The following AGAP3 variants were observed in gnomAD, a reference collection of about 807,000 sequenced individuals.
AGAP3 encodes ArfGAP with GTPase domain, ankyrin repeat and PH domain 3.
A neutral mutation model predicts 96.9 loss-of-function variants in AGAP3; 24 were observed. The observed-to-expected ratio is 0.25, with a 90% CI of 0.18 to 0.35. The LOEUF (loss-of-function observed/expected upper bound fraction) is 0.35, where lower values mean the gene tolerates loss of function less well. AGAP3 is among the 10% of genes least tolerant of loss of function. The pLI is 1.00. For synonymous variants in AGAP3, 563 were observed against 536.1 expected, an observed-to-expected ratio of 1.05 and a Z score of -0.69; for missense variants, 876 against 1,254.2, an observed-to-expected ratio of 0.70 and a Z score of 4.55.
In AGAP3 at chr7:151,096,737, G is replaced by A. The variant is rs1170847017; in HGVS notation, c.331+9665G>A. ...TCCACCCGCCTCAGCCTCCTAAAGT[G>A]CTGGGATTACAGGCATGAGCCACTG... is the stretch of plus-strand genomic sequence containing the variant. On this transcript the variant is annotated intron_variant, in intron 1 of 17. Transcript: ENST00000397238. The surrounding 1 kb of genome is among the most constrained non-coding windows in gnomAD (Gnocchi z 4.4). Among the ~76,000 whole-genome samples the A allele has an allele frequency of 6.6e-6, 1 of 152,140 alleles. No individual in the cohort carries two copies.
In AGAP3 at chr7:151,092,564, C is replaced by T. The variant is rs114425284; in HGVS notation, c.331+5492C>T. On this transcript the variant is annotated intron_variant, in intron 1 of 17. Transcript: ENST00000397238. ...GAGATTGGGTGGTGCATGTTCCACCCGTGAATGTTCTTCCCTCTGCCAGGC... is the reference window on the plus strand; with the variant it reads ...GAGATTGGGTGGTGCATGTTCCACCTGTGAATGTTCTTCCCTCTGCCAGGC... Among the ~76,000 whole-genome samples, 714 of 152,268 alleles carry T rather than the reference C, an allele frequency of 4.7e-3. 3 individuals carry two copies. The highest frequency in any genetic ancestry group is 0.016 in the African/African-American group (679 of 41,542).
In AGAP3 at chr7:151,123,867, G is replaced by A. The variant is rs780531739; in HGVS notation, c.1202G>A (p.Arg401His). The change falls in exon 9 of 18, where the codon CGC becomes CAC. Residue 401 changes from arginine (R) to histidine (H), a missense_variant. Arg to His is a conservative substitution (Grantham distance 29, BLOSUM62 0). Transcript: ENST00000397238. ...AAGGTGGACAGCATCGGGAGCGGCC[G>A]CGCCATCCCCATCAAGCAGGTCAGC... The part of the protein sequence containing the change: ...ECKVDSIGSG[R>H]AIPIKQGILL... The A allele has an allele frequency of 1.1e-5, 17 of 1,609,632 alleles. No homozygotes were observed. The Admixed American group carries it at 1.5e-4, about 14-fold the overall frequency.
intron 1 of AGAP3, among the ~76,000 whole-genome samples, chr7:151,090,771 C>T (rs1390572895): frequency 2.0e-5 from 3 of 152,092 alleles, no homozygotes; most frequent in Admixed American, 6.5e-5. Context: ...GTGAAACCCC[C>T]GTCTCTACTA....
intron 10 of AGAP3, among the ~76,000 whole-genome samples, chr7:151,132,700 C>T (rs1800446554): frequency 6.6e-6 from 1 of 152,230 alleles, no homozygotes; most frequent in Admixed American, 6.5e-5. Flanking sequence ...GGGTGACGTC[C>T]AGCCCAGCCA....
chr7:151,137,157 C>T (rs929256941), intron 11 of AGAP3, among the ~76,000 whole-genome samples: 2 of 152,254 alleles, frequency 1.3e-5, no homozygotes, highest in African/African-American at 4.8e-5. Context: ...CGTCTCCCCG[C>T]AGGCTTCCCC....
chr7:151,140,202 A>AT lies in AGAP3; in HGVS notation c.1804+92dup, dbSNP rs1800766843. ...ACCCTAAAAGTAACACCTATTTTTT[A>AT]TTTTTTGTATTCAGTGGATTAAGCA... On this transcript the variant is annotated intron_variant, in intron 13 of 17. Transcript: ENST00000397238. The surrounding 1 kb of genome is among the most constrained non-coding windows in gnomAD (Gnocchi z 5.4). 1 of 1,318,868 alleles carries AT rather than the reference A, an allele frequency of 7.6e-7. No individual in the cohort carries two copies. Among genetic ancestry groups the AT allele is most frequent in the Non-Finnish European group, 9.7e-7 (1 of 1,027,412 alleles). The allele number at this position is 1,318,868 out of a possible 1,614,324, so 81.7% of individuals were successfully genotyped here.
At position 151,140,242 on chromosome 7, in the gene AGAP3, C is replaced by T; in HGVS notation, c.1804+126C>T. The T allele has an allele frequency of 8.9e-7, 1 of 1,127,490 alleles. No individual in the cohort carries two copies. The highest frequency in any genetic ancestry group is 2.9e-5 in the South Asian group (1 of 33,998). The allele number at this position is 1,127,490 out of a possible 1,614,324, so 69.8% of individuals were successfully genotyped here. Reference sequence around the variant, plus strand: ...TGGATTAAGCACTTTCTAGTAGTTGCTAATCAAAGTAGTTCTACAGCTTCT... The same window carrying T: ...TGGATTAAGCACTTTCTAGTAGTTGTTAATCAAAGTAGTTCTACAGCTTCT... On this transcript the variant is annotated intron_variant, in intron 13 of 17. Coordinates refer to ENST00000397238, the MANE Select transcript of AGAP3 (RefSeq NM_031946.7). This position sits in a 1 kb window ranked among gnomAD's most constrained non-coding sequence, Gnocchi z 5.4.
At chr7:151,123,722 C>G in intron 8 of AGAP3, 72 bp from the exon 9 acceptor site, 1 of 1,591,802 alleles carries the variant, frequency 6.3e-7, no homozygotes, top group Non-Finnish European at 8.6e-7. Flanking sequence ...AGGAGGGAGG[C>G]CGGGAAGTCC....
chr7:151,142,652 T>TG lies in AGAP3; in HGVS notation c.2273+20dup. ...GCCTGCAGGTGAGCAGATGGTGCCC[T>TG]GGAGCTGGCCAGGAATGGGGGAAGC... On this transcript the variant is annotated intron_variant, in intron 16 of 17. Transcript: ENST00000397238. The surrounding 1 kb of genome is among the most constrained non-coding windows in gnomAD (Gnocchi z 7.5). 6.2e-7 allele frequency: 1 copy of TG among 1,608,912 alleles called. No homozygotes were observed. The highest frequency in any genetic ancestry group is 8.5e-7 in the Non-Finnish European group (1 of 1,178,714).
intron 9 of AGAP3, among the ~76,000 whole-genome samples, chr7:151,125,444 C>T (rs755499735): frequency 5.9e-5 from 9 of 152,220 alleles, no homozygotes; most frequent in Non-Finnish European, 1.2e-4. Flanking sequence ...GGTGTTTTCA[C>T]CCCTAAATCT....
intron 1 of AGAP3, among the ~76,000 whole-genome samples, chr7:151,115,877 A>G (rs1799553627): frequency 6.6e-6 from 1 of 152,318 alleles, no homozygotes; most frequent in South Asian, 2.1e-4. Context: ...CCAGAGTCAG[A>G]GGGCTCTGGG....
intron 1 of AGAP3, chr7:151,115,051 CG>C: frequency 9.9e-7 from 1 of 1,008,412 alleles, no homozygotes; most frequent in Admixed American, 5.7e-5. Flanking sequence ...CCCTCGGGAC[CG>C]CCCGTCTCGC....
chr7:151,126,632 G>C (rs1262927754), intron 9 of AGAP3, among the ~76,000 whole-genome samples: 2 of 152,172 alleles, frequency 1.3e-5, no homozygotes, highest in African/African-American at 2.4e-5. Flanking sequence ...CTTCGAGCAC[G>C]CTAGTCCCAT....
At chr7:151,104,950 C>T (rs1169338949) in intron 1 of AGAP3, among the ~76,000 whole-genome samples, 1 of 152,106 alleles carries the variant, frequency 6.6e-6, no homozygotes, top group Non-Finnish European at 1.5e-5. Flanking sequence ...TGGGGAGGGC[C>T]CCAGGTGCCC....
chr7:151,114,641 T>G lies in AGAP3; in HGVS notation c.332-2152T>G. ...GCTTGCCGGCCGCGAGGTGGAGGAG[T>G]TGAGGGACTCGGTCGGCCCACACCA... On this transcript the variant is annotated intron_variant, in intron 1 of 17. Transcript: ENST00000397238. This position sits in a 1 kb window ranked among gnomAD's most constrained non-coding sequence, Gnocchi z 4.4. The G allele has an allele frequency of 1.1e-6, 1 of 870,074 alleles. No individual in the cohort carries two copies. Among genetic ancestry groups the G allele is most frequent in the Non-Finnish European group, 1.4e-6 (1 of 723,524 alleles). The allele number at this position is 870,074 out of a possible 1,614,324, so 53.9% of individuals were successfully genotyped here. A position where few individuals can be genotyped will look rare whatever the true frequency, so the allele number is the denominator to read the frequency against.
rs369005141 is a variant in AGAP3 at position 151,142,231 on chromosome 7, T to C, written c.2028T>C (p.Phe676=). The part of the protein sequence containing the change: ...QAVRTVRGNS[F]CIDCDAPNPD... ...TCCGCACCGTCCGCGGCAACAGCTT[T>C]TGTATCGACTGCGATGCACCCAGTG... Residue 676 remains phenylalanine (F), a synonymous_variant, in exon 15 of 18, where the codon TTT becomes TTC. Transcript: ENST00000397238. The surrounding 1 kb of genome is among the most constrained non-coding windows in gnomAD (Gnocchi z 7.5). The C allele has an allele frequency of 2.2e-5, 36 of 1,613,310 alleles. No individual in the cohort carries two copies. The highest frequency in any genetic ancestry group is 2.7e-5 in the Non-Finnish European group (32 of 1,179,998).
In AGAP3 at chr7:151,096,069, A is replaced by G. The variant is rs561296543; in HGVS notation, c.331+8997A>G. ...TTGGTAAAACATGGGCATCCGTTTC[A>G]TGGTGTGGGCGTGAGAAGCAAATCA... On this transcript the variant is annotated intron_variant, in intron 1 of 17. Coordinates refer to ENST00000397238, the MANE Select transcript of AGAP3 (RefSeq NM_031946.7). The surrounding 1 kb of genome is among the most constrained non-coding windows in gnomAD (Gnocchi z 4.4). 2.6e-5 allele frequency among the ~76,000 whole-genome samples: 4 copies of G among 152,304 alleles called. No homozygotes were observed. Among genetic ancestry groups the G allele is most frequent in the Admixed American group, 1.3e-4 (2 of 15,304 alleles).
rs185906942 is a variant in AGAP3, at chr7:151,088,799, C to T, written c.331+1727C>T. On this transcript the variant is annotated intron_variant, in intron 1 of 17. Transcript: ENST00000397238. ...GTGATGTGAAGGCTGATTCCTGGGG[C>T]GCCCTTGAGTTTTTTTTGCCTGATC... Among the ~76,000 whole-genome samples, 395 of 152,264 alleles carry T rather than the reference C, an allele frequency of 2.6e-3. 2 individuals are homozygous for T. The highest frequency in any genetic ancestry group is 8.7e-3 in the African/African-American group (361 of 41,526).
chr7:151,134,222 C>T (rs539096405), intron 10 of AGAP3, among the ~76,000 whole-genome samples, 178 bp from the exon 11 acceptor site: 11 of 152,258 alleles, frequency 7.2e-5, no homozygotes, highest in South Asian at 4.2e-4. Flanking sequence ...CTTTGAGCAC[C>T]GTGGAGATCG....
Sources: gnomAD v4.1 joint callset for allele counts (sites outside exome capture counted in the v4.1 genomes callset) on GRCh38, gnomAD v4.1.1 for gene constraint, Gnocchi (gnomAD v3.1) non-coding constraint, MANE v1.5 for transcripts, NCBI Gene and HGNC (gene_info 2026-07-23, HGNC 2026-07-21) for gene names.